ARMC7: variants seen among roughly 807,000 people sequenced by gnomAD.
ARMC7 encodes the protein armadillo repeat-containing protein 7.
A neutral mutation model predicts 14.8 loss-of-function variants in ARMC7; 9 were observed. The observed-to-expected ratio is 0.61, with a 90% CI of 0.37 to 1.06. ARMC7 has a LOEUF of 1.06. Among genes scored for constraint, ARMC7 ranks in the 50% least tolerant of loss-of-function variants. The pLI, the probability that ARMC7 is intolerant of heterozygous loss-of-function variation, is 0.01. For synonymous variants in ARMC7, 125 were observed against 123.4 expected (o/e 1.01, Z -0.09); for missense variants, 262 against 267.1 (o/e 0.98, Z 0.13).
intron 2 of ARMC7, among the ~76,000 whole-genome samples, chr17:75,119,519 A>G (rs905554329): frequency 5.0e-5 from 7 of 140,750 alleles, no homozygotes; most frequent in Non-Finnish European, 9.1e-5. Flanking sequence ...CGCGATCTCG[A>G]CTCACTGCAA....
chr17:75,122,708 C>G (rs1035378370), intron 2 of ARMC7, among the ~76,000 whole-genome samples: 1 of 152,038 alleles, frequency 6.6e-6, no homozygotes, highest in Non-Finnish European at 1.5e-5. Context: ...ATAACGTTTT[C>G]CTATTTATTA....
At chr17:75,111,583 TAAAAAAAAAAA>T (rs913673713) in intron 2 of ARMC7, among the ~76,000 whole-genome samples, 1 of 132,936 alleles carries the variant, frequency 7.5e-6, no homozygotes, top group Non-Finnish European at 1.6e-5. Flanking sequence ...ATCTCTGCTT[TAAAAAAAAAAA>T]AAAAAAAATT....
At chr17:75,118,481 G>C (rs1399424169) in intron 2 of ARMC7, among the ~76,000 whole-genome samples, 1 of 152,178 alleles carries the variant, frequency 6.6e-6, no homozygotes, top group Non-Finnish European at 1.5e-5. Context: ...CTGTGTGGCG[G>C]TCTCTTTCTC....
chr17:75,122,046 A>G (rs548733614), intron 2 of ARMC7, among the ~76,000 whole-genome samples: 1 of 152,088 alleles, frequency 6.6e-6, no homozygotes, highest in East Asian at 2.0e-4. Flanking sequence ...AAAAAGAATA[A>G]CATCTGGCCA....
chr17:75,118,742 G>T (rs939041472), intron 2 of ARMC7, among the ~76,000 whole-genome samples: 3 of 152,152 alleles, frequency 2.0e-5, no homozygotes, highest in Non-Finnish European at 2.9e-5. Flanking sequence ...GCCTCTCCTG[G>T]ATGCCCGCCC....
intron 2 of ARMC7, among the ~76,000 whole-genome samples, chr17:75,125,480 C>T (rs548291960): frequency 8.0e-4 from 122 of 152,180 alleles, no homozygotes; most frequent in Non-Finnish European, 1.5e-3. Flanking sequence ...ACAGACAGGA[C>T]GGCTCAGGGG....
At chr17:75,116,071 G>A (rs140812403) in intron 2 of ARMC7, among the ~76,000 whole-genome samples, 154 of 152,228 alleles carry the variant, frequency 1.0e-3, no homozygotes, top group African/African-American at 3.6e-3. Flanking sequence ...AAAACATCAC[G>A]GAATGACAGG....
At chr17:75,117,817 A>G (rs2073983845) in intron 2 of ARMC7, among the ~76,000 whole-genome samples, 1 of 152,170 alleles carries the variant, frequency 6.6e-6, no homozygotes, top group Non-Finnish European at 1.5e-5. Flanking sequence ...ACTCAAGGAC[A>G]GATATTAAGA....
intron 2 of ARMC7, among the ~76,000 whole-genome samples, chr17:75,123,346 C>T (rs369513123): frequency 6.7e-6 from 1 of 150,142 alleles, no homozygotes; most frequent in Admixed American, 6.6e-5. Flanking sequence ...CCACACCTGG[C>T]CTTTGAAGAC....
intron 2 of ARMC7, among the ~76,000 whole-genome samples, chr17:75,121,520 T>C (rs1331397246): frequency 6.6e-6 from 1 of 152,184 alleles, no homozygotes; most frequent in Non-Finnish European, 1.5e-5. Context: ...TTCAAGCAAT[T>C]CTCCCACCTC....
intron 2 of ARMC7, chr17:75,114,494 C>T (rs1261738611): frequency 2.6e-6 from 1 of 391,922 alleles, no homozygotes; most frequent in South Asian, 1.4e-4. Context: ...CTGGAGTCCG[C>T]GGTCCCAGCG....
At chr17:75,119,176 C>T (rs1568016701) in intron 2 of ARMC7, among the ~76,000 whole-genome samples, 3 of 152,206 alleles carry the variant, frequency 2.0e-5, no homozygotes, top group African/African-American at 2.4e-5. Context: ...GACTGGTACA[C>T]TGGACTATTC....
At chr17:75,116,311 T>C (rs1002885770) in intron 2 of ARMC7, among the ~76,000 whole-genome samples, 12 of 152,174 alleles carry the variant, frequency 7.9e-5, no homozygotes, top group East Asian at 1.9e-4. Context: ...AGAGGTTCTG[T>C]GGGCTGGCCA....
chr17:75,128,281 C>T (rs1289447855), intron 2 of ARMC7, among the ~76,000 whole-genome samples: 3 of 152,032 alleles, frequency 2.0e-5, no homozygotes, highest in Non-Finnish European at 2.9e-5. Flanking sequence ...CCATGTTGGC[C>T]AGGCTGGTCT....
intron 2 of ARMC7, chr17:75,114,408 A>G (rs1459959236): frequency 5.1e-6 from 2 of 395,424 alleles, no homozygotes; most frequent in African/African-American, 2.1e-5. Flanking sequence ...CCACTGAGCT[A>G]TGGGGGCGGC....
intron 2 of ARMC7, among the ~76,000 whole-genome samples, chr17:75,127,317 G>A (rs991158876): frequency 2.0e-5 from 3 of 152,104 alleles, no homozygotes; most frequent in African/African-American, 4.8e-5. Context: ...TAGGTCAGCC[G>A]CCTAACATTG....
chr17:75,114,804 T>G, intron 2 of ARMC7: 1 of 398,502 alleles, frequency 2.5e-6, no homozygotes, highest in Non-Finnish European at 4.4e-6. Flanking sequence ...CAATGAAATT[T>G]CAACATGCAA....
chr17:75,118,134 A>C (rs1261194640), intron 2 of ARMC7, among the ~76,000 whole-genome samples: 3 of 152,046 alleles, frequency 2.0e-5, no homozygotes, highest in African/African-American at 4.8e-5. Context: ...AAAAAAAAAA[A>C]AAAACAAAGT....
In ARMC7 at chr17:75,110,539, G is replaced by C. The variant is rs1367424218; in HGVS notation, c.168G>C (p.Leu56=). The C allele has an allele frequency of 6.2e-7, 1 of 1,614,256 alleles. No individual in the cohort carries two copies. Among genetic ancestry groups the C allele is most frequent in the African/African-American group, 1.3e-5 (1 of 75,072 alleles). ...GCAACTACGAGTATCTGCGGCAGCT[G>C]CAGGTCCTGGATTTATTTCTCGATT... ...DPSNYEYLRQ[L]QVLDLFLDSL... Residue 56 remains leucine (L), a synonymous_variant, in exon 2 of 3, where the codon CTG becomes CTC. Coordinates refer to ENST00000245543, the MANE Select transcript of ARMC7 (RefSeq NM_024585.4).
Sources: allele counts gnomAD v4.1 joint callset (sites outside exome capture counted in the v4.1 genomes callset), GRCh38; gene constraint gnomAD v4.1.1; transcripts MANE v1.5; gene names NCBI Gene and HGNC (gene_info 2026-07-23, HGNC 2026-07-21).